Variants in MSRA observed in about 807,000 individuals in gnomAD.
MSRA encodes methionine sulfoxide reductase A, also known as mitochondrial peptide methionine sulfoxide reductase.
In MSRA, 54 loss-of-function variants were observed where a neutral mutation model predicts 31.3. That is an observed-to-expected ratio of 1.73 (90% CI 1.39 to 2.17). The LOEUF (loss-of-function observed/expected upper bound fraction) is 2.17, where lower values mean the gene tolerates loss of function less well. Ranked by LOEUF, MSRA falls within the 30% of genes most tolerant of loss-of-function variation. The pLI is 0.00. For synonymous variants in MSRA, 169 were observed against 116.5 expected (o/e 1.45, Z -2.90); for missense variants, 507 against 300.9 (o/e 1.69, Z -5.07).
intron 1 of MSRA, among the ~76,000 whole-genome samples, chr8:10,176,342 G>A (rs184163671): frequency 1.1e-4 from 17 of 152,294 alleles, no homozygotes; most frequent in Non-Finnish European, 2.1e-4. Context: ...TGGGCAGTCC[G>A]TGCAGGCAGG....
chr8:10,244,411 G>T (rs1797504023), intron 2 of MSRA, among the ~76,000 whole-genome samples: 1 of 152,136 alleles, frequency 6.6e-6, no homozygotes, highest in South Asian at 2.1e-4. Flanking sequence ...GTGGCCACTG[G>T]TATACACACA....
chr8:10,283,652 T>A (rs1354053069), intron 3 of MSRA, among the ~76,000 whole-genome samples: 2 of 151,488 alleles, frequency 1.3e-5, no homozygotes, highest in South Asian at 2.1e-4. Context: ...CTTTGCATCC[T>A]CATAGCTTAG....
At chr8:10,388,866 C>T (rs1230070004) in intron 5 of MSRA, among the ~76,000 whole-genome samples, 1 of 151,776 alleles carries the variant, frequency 6.6e-6, no homozygotes, top group Non-Finnish European at 1.5e-5. Context: ...CTGCGACCCA[C>T]CCCTGCCACT....
In MSRA at chr8:10,307,792, G is replaced by C. The variant is rs368255885; in HGVS notation, c.436+6154G>C. 6.8e-4 allele frequency among the ~76,000 whole-genome samples: 103 copies of C among 152,326 alleles called. 1 individual carries two copies. The East Asian group carries it at 0.013, about 20-fold the overall frequency. ...GGCCTTTGCAGAGGCCTCTGGCTGA[G>C]AGTGCTGGTTAACCCCAATATTAGG... On this transcript the variant is annotated intron_variant, in intron 4 of 5. Coordinates refer to ENST00000317173, the MANE Select transcript of MSRA (RefSeq NM_012331.5).
intron 3 of MSRA, among the ~76,000 whole-genome samples, chr8:10,255,610 C>T (rs1323658302): frequency 6.6e-6 from 1 of 152,002 alleles, no homozygotes; most frequent in East Asian, 1.9e-4. Flanking sequence ...ACTTGTGTGT[C>T]TTTGTGCACA....
At position 10,351,121 on chromosome 8, in the gene MSRA, G is replaced by A. The variant is rs1318849342; in HGVS notation, c.543+31132G>A. Among the ~76,000 whole-genome samples the A allele has an allele frequency of 3.3e-5, 5 of 152,266 alleles. No homozygotes were observed. In the South Asian group the frequency reaches 6.2e-4, roughly 19 times the overall value. On this transcript the variant is annotated intron_variant, in intron 5 of 5. Transcript: ENST00000317173. ...GCCAAGTGCAACCTGAGATGCTTCAGTGGAAGCTTGTTCCTCGGTGGTGAC... is the reference window on the plus strand; with the variant it reads ...GCCAAGTGCAACCTGAGATGCTTCAATGGAAGCTTGTTCCTCGGTGGTGAC...
intron 5 of MSRA, chr8:10,337,892 G>C (rs1331989127): frequency 4.4e-6 from 3 of 686,338 alleles, no homozygotes; most frequent in African/African-American, 3.5e-5. Context: ...CACATTCTTT[G>C]TTATGACAGC....
rs948714302 is a variant in MSRA, at chr8:10,367,392, A to G, written c.543+47403A>G. On this transcript the variant is annotated intron_variant, in intron 5 of 5. Transcript: ENST00000317173. Reference sequence around the variant, plus strand: ...ATAAATAAAACTTTAACAGGTAGGTATGTATACGAAAAAATATAGTATATA... The same window carrying G: ...ATAAATAAAACTTTAACAGGTAGGTGTGTATACGAAAAAATATAGTATATA... 8.5e-5 allele frequency among the ~76,000 whole-genome samples: 13 copies of G among 152,346 alleles called. No homozygotes were observed. The East Asian group carries it at 1.3e-3, about 16-fold the overall frequency.
intron 2 of MSRA, among the ~76,000 whole-genome samples, chr8:10,238,128 A>G (rs1374064027): frequency 1.3e-5 from 2 of 152,142 alleles, no homozygotes; most frequent in Admixed American, 6.5e-5. Flanking sequence ...CTCAAGCCAC[A>G]CTGGCTTCCT....
At chr8:10,354,258 T>G (rs1348941795) in intron 5 of MSRA, among the ~76,000 whole-genome samples, 3 of 152,188 alleles carry the variant, frequency 2.0e-5, no homozygotes. Flanking sequence ...TACTAAGCCA[T>G]TAGTTGAATT....
chr8:10,395,052 CA>C (rs1275523631), intron 5 of MSRA, among the ~76,000 whole-genome samples: 2 of 152,184 alleles, frequency 1.3e-5, no homozygotes, highest in Non-Finnish European at 2.9e-5. Context: ...GACCAAGTGG[CA>C]GAAGCCAACA....
chr8:10,250,405 T>C (rs1402948608), intron 3 of MSRA: 4 of 702,152 alleles, frequency 5.7e-6, no homozygotes, highest in African/African-American at 5.2e-5. Context: ...GTAATATCTT[T>C]TCATATTTTG....
intron 5 of MSRA, among the ~76,000 whole-genome samples, chr8:10,332,483 G>A (rs1802766583): frequency 6.8e-6 from 1 of 147,290 alleles, no homozygotes; most frequent in South Asian, 2.1e-4. Flanking sequence ...TAGCAATAGG[G>A]ATAAAATTCT....
intron 5 of MSRA, among the ~76,000 whole-genome samples, chr8:10,334,608 T>C (rs983583348): frequency 6.6e-6 from 1 of 152,158 alleles, no homozygotes; most frequent in South Asian, 2.1e-4. Context: ...GACGCCCGCT[T>C]GCATTTCCGC....
At chr8:10,145,511 C>T (rs757888917) in intron 1 of MSRA, among the ~76,000 whole-genome samples, 2 of 152,116 alleles carry the variant, frequency 1.3e-5, no homozygotes, top group African/African-American at 2.4e-5. Context: ...TTCTACTGCC[C>T]GGCCCTGCAA....
intron 3 of MSRA, among the ~76,000 whole-genome samples, chr8:10,279,432 A>C (rs888144615): frequency 6.6e-6 from 1 of 151,604 alleles, no homozygotes; most frequent in Admixed American, 6.6e-5. Context: ...AGAGATAACA[A>C]CTCCCTTTGG....
At chr8:10,277,213 A>T (rs1201232023) in intron 3 of MSRA, among the ~76,000 whole-genome samples, 1 of 152,206 alleles carries the variant, frequency 6.6e-6, no homozygotes, top group African/African-American at 2.4e-5. Flanking sequence ...TAATAATCTA[A>T]GTCTCGTATC....
chr8:10,383,067 G>C (rs1417531168), intron 5 of MSRA, among the ~76,000 whole-genome samples: 1 of 152,208 alleles, frequency 6.6e-6, no homozygotes, highest in Non-Finnish European at 1.5e-5. Flanking sequence ...AGAATGCTGT[G>C]TTCACCCACC....
rs773216860 is a variant in MSRA, at chr8:10,112,375, C to A, written c.142+57717C>A. ...CTGTTGGTAAATGAGATATAGAAGG[C>A]TACCTCTCTCACATAATAGAGAATT... On this transcript the variant is annotated intron_variant, in intron 1 of 5. Transcript: ENST00000317173. 2.6e-5 allele frequency among the ~76,000 whole-genome samples: 4 copies of A among 152,318 alleles called. No homozygotes were observed. The East Asian group carries it at 7.7e-4, about 29-fold the overall frequency.
Sources: gnomAD v4.1 joint callset for allele counts (sites outside exome capture counted in the v4.1 genomes callset) on GRCh38, gnomAD v4.1.1 for gene constraint, MANE v1.5 for transcripts, NCBI Gene and HGNC (gene_info 2026-07-23, HGNC 2026-07-21) for gene names.